The following CDK13 variants were observed in gnomAD, a reference collection of about 807,000 sequenced individuals.
CDK13 encodes cyclin-dependent kinase 13.
A neutral mutation model predicts 137.6 loss-of-function variants in CDK13; 40 were observed. That is an observed-to-expected ratio of 0.29 (90% CI 0.23 to 0.38). The LOEUF (loss-of-function observed/expected upper bound fraction) is 0.38. CDK13 is among the 10% of genes least tolerant of loss of function. CDK13 has a pLI of 1.00. For missense variants in CDK13, 1,704 were observed against 1,951.8 expected, an observed-to-expected ratio of 0.87 and a Z score of 2.39; for synonymous variants, 869 against 760.1, an observed-to-expected ratio of 1.14 and a Z score of -2.36.
chr7:39,994,067 C>T (rs1784514167), intron 2 of CDK13, among the ~76,000 whole-genome samples: 1 of 151,824 alleles, frequency 6.6e-6, no homozygotes, highest in African/African-American at 2.4e-5. Flanking sequence ...GCTGGATTTT[C>T]CTTAAAGTTG....
intron 7 of CDK13, among the ~76,000 whole-genome samples, chr7:40,053,176 C>G (rs1785931943): frequency 6.6e-6 from 1 of 152,140 alleles, no homozygotes; most frequent in South Asian, 2.1e-4. Flanking sequence ...CGAGACATTA[C>G]TGCTGAATAC....
intron 12 of CDK13, among the ~76,000 whole-genome samples, chr7:40,088,727 A>G (rs1168249617): frequency 1.3e-5 from 2 of 152,142 alleles, no homozygotes. Context: ...CTTTCATACC[A>G]TTTATAGCGT....
chr7:40,033,503 G>A (rs1332649219), intron 5 of CDK13, among the ~76,000 whole-genome samples: 1 of 152,154 alleles, frequency 6.6e-6, no homozygotes, highest in Non-Finnish European at 1.5e-5. Context: ...AGGAACTGAG[G>A]TAAATAGGCC....
chr7:40,056,591 A>G (rs966001033), intron 7 of CDK13, among the ~76,000 whole-genome samples: 1 of 152,236 alleles, frequency 6.6e-6, no homozygotes, highest in African/African-American at 2.4e-5. Flanking sequence ...TTCATGTTTC[A>G]TTTCACGCTA....
chr7:39,961,740 C>T (rs1783738850), intron 1 of CDK13, among the ~76,000 whole-genome samples: 1 of 151,910 alleles, frequency 6.6e-6, no homozygotes, highest in African/African-American at 2.4e-5. Flanking sequence ...CACCCATTAA[C>T]TCATCATTTA....
rs1374442239 is a variant in CDK13, at chr7:39,951,450, G to A, written c.809G>A (p.Ser270Asn). The A allele has an allele frequency of 1.3e-6, 2 of 1,538,122 alleles. No homozygotes were observed. The highest frequency in any genetic ancestry group is 1.7e-6 in the Non-Finnish European group (2 of 1,143,050). The change falls in exon 1 of 14, where the codon AGC becomes AAC. Residue 270 changes from serine to asparagine, a missense_variant. This residue lies in a region of CDK13 where 1,051 missense variants were observed against 931.0 expected (regional missense o/e 1.13). Transcript: ENST00000181839. ...TCGGCCACATCCAGCAGCAGTAGCA[G>A]CCGCAAGGACCGGGACTCGAAGGCC... ...SASATSSSSS[S>N]RKDRDSKAHR...
chr7:40,070,504 C>G (rs1344495634), intron 9 of CDK13: 1 of 151,602 alleles, frequency 6.6e-6, no homozygotes, highest in Non-Finnish European at 1.5e-5. Context: ...TACTTGAAGT[C>G]AGGAGTTTGA....
At chr7:40,076,290 T>A (rs1307179546) in intron 9 of CDK13, among the ~76,000 whole-genome samples, 1 of 152,210 alleles carries the variant, frequency 6.6e-6, no homozygotes, top group Non-Finnish European at 1.5e-5. Context: ...GAAAGAAATG[T>A]CAAACCAGTA....
chr7:40,054,412 A>G (rs896628032), intron 7 of CDK13, among the ~76,000 whole-genome samples: 4 of 152,118 alleles, frequency 2.6e-5, no homozygotes, highest in African/African-American at 9.7e-5. Context: ...TTTTCCCATG[A>G]AAGTTATATT....
At chr7:39,982,978 C>T (rs1013831010) in intron 1 of CDK13, among the ~76,000 whole-genome samples, 2 of 152,156 alleles carry the variant, frequency 1.3e-5, no homozygotes, top group African/African-American at 4.8e-5. Context: ...CCTGTTCACT[C>T]TGATGGTTGT....
Position 40,082,372 on chromosome 7 carries a change from G to A in CDK13, c.3029+3521G>A, listed in dbSNP as rs183501311. Among the ~76,000 whole-genome samples the A allele has an allele frequency of 2.1e-4, 32 of 149,934 alleles. No homozygotes were observed. The East Asian group carries it at 6.4e-3, about 30-fold the overall frequency. ...TGTGGTGGCGGGTGCCTGTAATCCC[G>A]GCTACTCGGGAGGCTGAGGCAGAGA... On this transcript the variant is annotated intron_variant, in intron 11 of 13. Coordinates refer to ENST00000181839, the MANE Select transcript of CDK13 (RefSeq NM_003718.5).
At chr7:40,032,925 A>ATAACTTGC (rs1193711040) in intron 5 of CDK13, among the ~76,000 whole-genome samples, 1 of 152,236 alleles carries the variant, frequency 6.6e-6, no homozygotes, top group African/African-American at 2.4e-5. Flanking sequence ...AATCCACACA[A>ATAACTTGC]TAACTTGCTG....
intron 1 of CDK13, among the ~76,000 whole-genome samples, chr7:39,954,475 T>C (rs1183744865): frequency 6.6e-6 from 1 of 152,064 alleles, no homozygotes; most frequent in African/African-American, 2.4e-5. Context: ...GGCTGTCTTA[T>C]CCATCATTGT....
intron 1 of CDK13, among the ~76,000 whole-genome samples, chr7:39,978,635 C>T (rs912646455): frequency 5.3e-5 from 8 of 152,064 alleles, no homozygotes; most frequent in Non-Finnish European, 1.2e-4. Flanking sequence ...TAGAGTAAGC[C>T]AGCTATTGTC....
At chr7:40,000,698 C>T (rs143272010) in intron 4 of CDK13, among the ~76,000 whole-genome samples, 1 of 152,280 alleles carries the variant, frequency 6.6e-6, no homozygotes, top group Admixed American at 6.5e-5. Flanking sequence ...TAAATGACAA[C>T]TTTTAAAACT....
rs1787455086 is a variant in CDK13 at position 39,957,563 on chromosome 7, T to C, written c.1211+5711T>C. 2.6e-5 allele frequency among the ~76,000 whole-genome samples: 4 copies of C among 152,244 alleles called. No homozygotes were observed. In the South Asian group the frequency reaches 8.3e-4, roughly 32 times the overall value. On this transcript the variant is annotated intron_variant, in intron 1 of 13. Coordinates refer to ENST00000181839, the MANE Select transcript of CDK13 (RefSeq NM_003718.5). ...TTTTGGTTTACATACACTCTCATAC[T>C]CTAGGATAGGGCAGGTAATTGTTTC...
intron 7 of CDK13, chr7:40,059,348 TG>T (rs769137108): frequency 3.1e-4 from 48 of 153,058 alleles, no homozygotes; most frequent in Non-Finnish European, 6.3e-4. Flanking sequence ...GATTGCTTTT[TG>T]TTTTTTGTTT....
intron 5 of CDK13, among the ~76,000 whole-genome samples, chr7:40,016,287 A>G (rs1324902385): frequency 6.6e-6 from 1 of 152,164 alleles, no homozygotes; most frequent in African/African-American, 2.4e-5. Flanking sequence ...AACGTGGGCA[A>G]ATTATTTATT....
rs1203028706 is a variant in CDK13 at position 39,987,874 on chromosome 7, C to G, written c.1487C>G (p.Thr496Ser). The change falls in exon 2 of 14, where the codon ACC becomes AGC. Residue 496 changes from threonine to serine, a missense_variant. This residue lies in a region of CDK13 where 1,051 missense variants were observed against 931.0 expected (regional missense o/e 1.13). Transcript: ENST00000181839. ...AAAGCTTCAAACACTTCTACACCTA[C>G]CAAGGGGAACACGGAAACTAGTGCC... is the stretch of plus-strand genomic sequence containing the variant. ...AAKASNTSTP[T>S]KGNTETSASA... 1 of 1,614,116 alleles carries G rather than the reference C, an allele frequency of 6.2e-7. No individual in the cohort carries two copies. The highest frequency in any genetic ancestry group is 8.5e-7 in the Non-Finnish European group (1 of 1,180,052).
Sources: allele counts gnomAD v4.1 joint callset (sites outside exome capture counted in the v4.1 genomes callset), GRCh38; gene constraint gnomAD v4.1.1; regional missense constraint gnomAD v4.1.1; transcripts MANE v1.5; gene names NCBI Gene and HGNC (gene_info 2026-07-23, HGNC 2026-07-21).